DPP6: variants seen among roughly 807,000 people sequenced by gnomAD.
The protein encoded by DPP6 is dipeptidyl peptidase like 6.
A neutral mutation model predicts 122.6 loss-of-function variants in DPP6; 69 were observed. The ratio of observed to expected loss-of-function variants is 0.56; its 90% CI spans 0.46 to 0.69. The LOEUF is 0.69. DPP6 is among the 30% of genes least tolerant of loss of function. The probability of loss-of-function intolerance (pLI) is 0.00; values close to 1 mark genes in which losing one functional copy is unlikely to be tolerated. For synonymous variants in DPP6, 418 were observed against 433.1 expected (o/e 0.97, Z 0.43); for missense variants, 928 against 1,116.9 (o/e 0.83, Z 2.41).
In DPP6 at chr7:154,610,673, GT is replaced by G. The variant is rs879735197; in HGVS notation, c.628-27138del. Among the ~76,000 whole-genome samples the G allele has an allele frequency of 8.2e-3, 1,204 of 146,596 alleles. 12 individuals are homozygous for G. The highest frequency in any genetic ancestry group is 0.024 in the African/African-American group (948 of 39,876). The stretch of plus-strand genomic sequence containing the variant: ...TTGAGTAAAATCTCTTCCAATTTAT[GT>G]TTTTTTTTTATTATTTGTGTCTGTG... On this transcript the variant is annotated intron_variant, in intron 5 of 25. Transcript: ENST00000377770.
intron 1 of DPP6, among the ~76,000 whole-genome samples, chr7:153,992,635 A>C (rs1040660866): frequency 6.6e-6 from 1 of 152,222 alleles, no homozygotes; most frequent in Non-Finnish European, 1.5e-5. Context: ...AGGCCTAATC[A>C]TGTCAATTCC....
At chr7:154,371,378 C>CAAAAAAAAA (rs1167770083) in intron 1 of DPP6, among the ~76,000 whole-genome samples, 84 of 47,680 alleles carry the variant, frequency 1.8e-3, no homozygotes, top group Admixed American at 3.0e-3. Context: ...AACTCTGTCT[C>CAAAAAAAAA]AAAAAAAAAA....
intron 5 of DPP6, among the ~76,000 whole-genome samples, chr7:154,625,990 A>G (rs1835043884): frequency 6.6e-6 from 1 of 152,182 alleles, no homozygotes; most frequent in Non-Finnish European, 1.5e-5. Context: ...AAAGGCAGTA[A>G]AGTAGGAGGT....
At chr7:154,861,748 T>C (rs1803416103) in intron 17 of DPP6, among the ~76,000 whole-genome samples, 1 of 152,202 alleles carries the variant, frequency 6.6e-6, no homozygotes. Context: ...GTGGTGGTTT[T>C]TCACTCAGTT....
intron 10 of DPP6, among the ~76,000 whole-genome samples, chr7:154,777,192 A>G (rs966216981): frequency 2.0e-5 from 3 of 152,180 alleles, no homozygotes; most frequent in South Asian, 2.1e-4. Context: ...GAGAGCTCAC[A>G]TTCCAAGAGG....
At chr7:154,678,563 G>A (rs1011849864) in intron 7 of DPP6, among the ~76,000 whole-genome samples, 1 of 152,136 alleles carries the variant, frequency 6.6e-6, no homozygotes, top group African/African-American at 2.4e-5. Flanking sequence ...AAGAAATTCC[G>A]GACACAGCAT....
intron 3 of DPP6, among the ~76,000 whole-genome samples, chr7:154,526,402 T>TA (rs1827409466): frequency 6.6e-6 from 1 of 152,176 alleles, no homozygotes; most frequent in African/African-American, 2.4e-5. Flanking sequence ...AATCACTTAA[T>TA]ATAACCTCGT....
chr7:154,254,823 ACTGT>A (rs912480770), intron 1 of DPP6, among the ~76,000 whole-genome samples: 9 of 152,202 alleles, frequency 5.9e-5, no homozygotes, highest in South Asian at 4.1e-4. Flanking sequence ...AGAGCAAGAG[ACTGT>A]CTGAAGTAAG....
At chr7:153,814,749 G>A in the DPP6 span, among the ~76,000 whole-genome samples, 1 of 152,050 alleles carries the variant, frequency 6.6e-6, no homozygotes, top group South Asian at 2.1e-4. Flanking sequence ...ACATCAAAAA[G>A]CTTATCCACC....
At chr7:154,210,574 T>A (rs1299424465) in intron 1 of DPP6, among the ~76,000 whole-genome samples, 1 of 152,234 alleles carries the variant, frequency 6.6e-6, no homozygotes, top group Non-Finnish European at 1.5e-5. Flanking sequence ...TAGTTATTTT[T>A]ATTATTTAAC....
intron 1 of DPP6, among the ~76,000 whole-genome samples, chr7:154,120,570 C>CA (rs1807376763): frequency 6.6e-6 from 1 of 152,034 alleles, no homozygotes; most frequent in Non-Finnish European, 1.5e-5. Flanking sequence ...AAGGGGTCTT[C>CA]CTTAATGATA....
chr7:154,649,298 G>C (rs1184785027), intron 6 of DPP6, among the ~76,000 whole-genome samples: 1 of 152,196 alleles, frequency 6.6e-6, no homozygotes, highest in East Asian at 1.9e-4. Flanking sequence ...ATTGATATTT[G>C]AGTGTTTCTA....
intron 14 of DPP6, 119 bp from the exon 15 acceptor site, chr7:154,804,798 C>A (rs1798588802): frequency 7.1e-7 from 1 of 1,412,484 alleles, no homozygotes; most frequent in Admixed American, 2.0e-5. Context: ...AGGGGAGCTA[C>A]TCCCTGCAGG....
chr7:154,679,936 G>A (rs985847018), intron 7 of DPP6, among the ~76,000 whole-genome samples: 3 of 152,166 alleles, frequency 2.0e-5, no homozygotes, highest in Non-Finnish European at 4.4e-5. Flanking sequence ...TGGCTCTGTG[G>A]GGCTAAATCA....
At chr7:154,724,547 A>C (rs1445832466) in intron 7 of DPP6, among the ~76,000 whole-genome samples, 1 of 152,016 alleles carries the variant, frequency 6.6e-6, no homozygotes, top group African/African-American at 2.4e-5. Context: ...CATCTTCAGG[A>C]GACTTGAGTG....
chr7:154,740,470 G>A (rs1346136886), intron 8 of DPP6, among the ~76,000 whole-genome samples: 1 of 152,158 alleles, frequency 6.6e-6, no homozygotes, highest in Non-Finnish European at 1.5e-5. Context: ...ACTAGACTTA[G>A]CTCTTTTGCT....
intron 3 of DPP6, among the ~76,000 whole-genome samples, chr7:154,487,847 C>G (rs1823931456): frequency 6.6e-6 from 1 of 152,166 alleles, no homozygotes; most frequent in Non-Finnish European, 1.5e-5. Flanking sequence ...ATAAAAAAGA[C>G]TCACTTGATC....
At chr7:154,609,159 TA>T (rs781389195) in intron 5 of DPP6, among the ~76,000 whole-genome samples, 21 of 152,234 alleles carry the variant, frequency 1.4e-4, no homozygotes, top group Non-Finnish European at 2.8e-4. Context: ...ATATTTCCCT[TA>T]TTTCGCACTT....
At chr7:154,714,305 T>G (rs1314971828) in intron 7 of DPP6, among the ~76,000 whole-genome samples, 8 of 152,244 alleles carry the variant, frequency 5.3e-5, no homozygotes, top group Admixed American at 5.2e-4. Context: ...TGTTACCCAG[T>G]TCCAAAGTAG....
Sources: allele counts gnomAD v4.1 joint callset (sites outside exome capture counted in the v4.1 genomes callset), GRCh38; gene constraint gnomAD v4.1.1; transcripts MANE v1.5; gene names NCBI Gene and HGNC (gene_info 2026-07-23, HGNC 2026-07-21).